The following ANO4 variants were observed in gnomAD, a reference collection of about 807,000 sequenced individuals.
The protein encoded by ANO4 is anoctamin-4.
Under a neutral mutation model 141.9 loss-of-function variants are expected in ANO4, and 69 were observed. That is an observed-to-expected ratio of 0.49 (90% confidence interval 0.40 to 0.59). ANO4 has a LOEUF of 0.59. Among genes scored for constraint, ANO4 ranks in the 20% least tolerant of loss-of-function variants. The pLI is 0.00. For missense variants in ANO4, 894 were observed against 1,162.2 expected, an observed-to-expected ratio of 0.77 and a Z score of 3.36; for synonymous variants, 350 against 394.3, an observed-to-expected ratio of 0.89 and a Z score of 1.33.
intron 3 of ANO4, among the ~76,000 whole-genome samples, chr12:100,774,834 G>C (rs758054503): frequency 1.3e-4 from 20 of 152,142 alleles, no homozygotes; most frequent in Non-Finnish European, 2.2e-4. Flanking sequence ...TTGTTTCCTT[G>C]GACAATCTTG....
chr12:100,984,874 G>A (rs2044638789), intron 7 of ANO4, among the ~76,000 whole-genome samples: 1 of 151,898 alleles, frequency 6.6e-6, no homozygotes, highest in African/African-American at 2.4e-5. Context: ...GCTGGCTGCT[G>A]AAAGCTGCCA....
intron 1 of ANO4, among the ~76,000 whole-genome samples, chr12:100,867,162 C>T (rs2038791057): frequency 6.6e-6 from 1 of 152,188 alleles, no homozygotes; most frequent in Non-Finnish European, 1.5e-5. Context: ...AAAAATATCA[C>T]TTCTGGAGCC....
chr12:101,127,604 T>C (rs1270243784), intron 27 of ANO4, among the ~76,000 whole-genome samples: 2 of 152,230 alleles, frequency 1.3e-5, no homozygotes, highest in Non-Finnish European at 2.9e-5. Flanking sequence ...TAATTTTTGC[T>C]TGAAAGCATA....
intron 22 of ANO4, among the ~76,000 whole-genome samples, chr12:101,101,474 CTGTT>C (rs777288070): frequency 2.6e-5 from 4 of 152,052 alleles, no homozygotes; most frequent in Non-Finnish European, 2.9e-5. Context: ...GTGGGTTTTT[CTGTT>C]TGTTTGTTTT....
chr12:101,011,144 A>T (rs1483341333), intron 8 of ANO4, among the ~76,000 whole-genome samples: 2 of 152,144 alleles, frequency 1.3e-5, no homozygotes. Flanking sequence ...CCAAGTGGGC[A>T]AGAATGGAAG....
chr12:101,125,648 G>C (rs1447194252), intron 26 of ANO4, among the ~76,000 whole-genome samples: 4 of 152,138 alleles, frequency 2.6e-5, no homozygotes, highest in Non-Finnish European at 4.4e-5. Flanking sequence ...TGTGGTTTTT[G>C]TCTTTAGTTC....
At chr12:100,873,317 G>A (rs913159540) in intron 1 of ANO4, among the ~76,000 whole-genome samples, 5 of 152,192 alleles carry the variant, frequency 3.3e-5, no homozygotes, top group Non-Finnish European at 7.3e-5. Flanking sequence ...GGGCTCAGAG[G>A]AAGACAACTG....
intron 3 of ANO4, among the ~76,000 whole-genome samples, chr12:100,767,017 C>G (rs979063677): frequency 2.4e-4 from 36 of 152,198 alleles, no homozygotes; most frequent in Non-Finnish European, 4.9e-4. Context: ...CTGAACACTC[C>G]TGTTCTCTTT....
intron 2 of ANO4, among the ~76,000 whole-genome samples, chr12:100,906,138 G>A (rs2040834258): frequency 6.6e-6 from 1 of 152,196 alleles, no homozygotes; most frequent in African/African-American, 2.4e-5. Flanking sequence ...GTAGCTACAT[G>A]AGTAAAGACA....
chr12:100,889,142 G>A (rs2039982626), intron 1 of ANO4, among the ~76,000 whole-genome samples: 1 of 146,760 alleles, frequency 6.8e-6, no homozygotes, highest in Non-Finnish European at 1.5e-5. Context: ...TTGGTTTTTT[G>A]TCCTTGCGAT....
At chr12:100,938,240 A>C (rs938759282) in intron 3 of ANO4, among the ~76,000 whole-genome samples, 5 of 152,204 alleles carry the variant, frequency 3.3e-5, no homozygotes, top group African/African-American at 1.2e-4. Flanking sequence ...TGCTCTTTTC[A>C]TTAGAGAATT....
intron 25 of ANO4, 59 bp from the exon 26 acceptor site, chr12:101,120,461 G>C: frequency 7.0e-7 from 1 of 1,421,654 alleles, no homozygotes; most frequent in Non-Finnish European, 9.9e-7. Flanking sequence ...GAGAATGGAA[G>C]AGATTTGAGA....
chr12:100,807,099 T>C (rs554690929), intron 1 of ANO4, among the ~76,000 whole-genome samples: 2 of 152,342 alleles, frequency 1.3e-5, no homozygotes, highest in African/African-American at 4.8e-5. Flanking sequence ...ACTTATTTGA[T>C]TCATAATTAT....
chr12:100,928,191 G>C (rs1324781933), intron 3 of ANO4, among the ~76,000 whole-genome samples: 1 of 151,988 alleles, frequency 6.6e-6, no homozygotes, highest in African/African-American at 2.4e-5. Context: ...GGCCGGGGGG[G>C]CTGGCATATA....
chr12:100,736,921 A>G (rs998214830), intron 2 of ANO4, among the ~76,000 whole-genome samples: 1 of 152,132 alleles, frequency 6.6e-6, no homozygotes, highest in African/African-American at 2.4e-5. Flanking sequence ...CCCTGCTGAC[A>G]CCTTATTTTG....
chr12:101,042,242 G>T, intron 11 of ANO4, 92 bp from the exon 12 acceptor site: 1 of 1,509,992 alleles, frequency 6.6e-7, no homozygotes, highest in Non-Finnish European at 9.0e-7. Context: ...ACCTCGTAAG[G>T]CCGCTACAAA....
In ANO4 at chr12:100,980,871, A is replaced by G. The variant is rs555993599; in HGVS notation, c.602+5982A>G. On this transcript the variant is annotated intron_variant, in intron 7 of 27. Coordinates refer to ENST00000392977, the MANE Select transcript of ANO4 (RefSeq NM_001286615.2). ...ATTGCCTATCCAATAAAAAGGAGGA[A>G]TTTATCATCTTTTGGCTGCCCTTTT... Among the ~76,000 whole-genome samples, 32 of 152,248 alleles carry G rather than the reference A, an allele frequency of 2.1e-4. 2 individuals carry two copies. The South Asian group carries it at 6.4e-3, about 31-fold the overall frequency.
chr12:100,938,449 T>A (rs1401999865), intron 3 of ANO4, among the ~76,000 whole-genome samples: 1 of 152,194 alleles, frequency 6.6e-6, no homozygotes, highest in South Asian at 2.1e-4. Flanking sequence ...CCTCATGAAT[T>A]ATTTTGTGCA....
chr12:101,008,104 T>G (rs2045943750), intron 8 of ANO4, among the ~76,000 whole-genome samples: 1 of 152,216 alleles, frequency 6.6e-6, no homozygotes, highest in Non-Finnish European at 1.5e-5. Context: ...GGATGTTTTA[T>G]TTTTGAAAAT....
Sources: gnomAD v4.1 joint callset for allele counts (sites outside exome capture counted in the v4.1 genomes callset) on GRCh38, gnomAD v4.1.1 for gene constraint, MANE v1.5 for transcripts, NCBI Gene and HGNC (gene_info 2026-07-23, HGNC 2026-07-21) for gene names.